Variants in AGBL4 observed in about 807,000 individuals in gnomAD.
AGBL4 encodes the protein cytosolic carboxypeptidase 6.
A neutral mutation model predicts 66.4 loss-of-function variants in AGBL4; 58 were observed. The ratio of observed to expected loss-of-function variants is 0.87; its 90% CI spans 0.71 to 1.09. AGBL4 has a LOEUF of 1.09. Among genes scored for constraint, AGBL4 ranks in the 50% least tolerant of loss-of-function variants. The pLI is 0.00. For missense variants in AGBL4, 579 were observed against 631.0 expected (o/e 0.92, Z 0.88); for synonymous variants, 234 against 222.9 (o/e 1.05, Z -0.44).
intron 6 of AGBL4, among the ~76,000 whole-genome samples, chr1:48,671,510 G>A (rs186936499): frequency 6.6e-6 from 1 of 152,338 alleles, no homozygotes; most frequent in East Asian, 1.9e-4. Context: ...CCACAGGTAC[G>A]TATGTGACTT....
chr1:48,611,246 G>A (rs759586951), intron 9 of AGBL4, among the ~76,000 whole-genome samples: 12 of 152,240 alleles, frequency 7.9e-5, no homozygotes, highest in Admixed American at 3.9e-4. Flanking sequence ...TCAATGAAGG[G>A]TGGGAGAGAA....
At chr1:49,409,974 C>A (rs915974638) in intron 3 of AGBL4, among the ~76,000 whole-genome samples, 2 of 152,178 alleles carry the variant, frequency 1.3e-5, no homozygotes, top group Admixed American at 6.5e-5. Flanking sequence ...AAGGCACTTT[C>A]TTCTTGAAAC....
intron 3 of AGBL4, among the ~76,000 whole-genome samples, chr1:49,469,297 A>T (rs955406389): frequency 4.0e-5 from 6 of 151,852 alleles, no homozygotes; most frequent in Admixed American, 6.6e-5. Context: ...TAAATTTTTT[A>T]AAATTATTTT....
chr1:49,228,790 A>T (rs1480156149), intron 4 of AGBL4, among the ~76,000 whole-genome samples: 1 of 152,190 alleles, frequency 6.6e-6, no homozygotes, highest in Non-Finnish European at 1.5e-5. Flanking sequence ...GTGAAGAAAG[A>T]TGGTGGTGGC....
intron 3 of AGBL4, chr1:49,527,721 T>C (rs532282514): frequency 1.2e-4 from 19 of 152,268 alleles, no homozygotes; most frequent in African/African-American, 4.3e-4. Context: ...CGGTGCCCCA[T>C]CCACTAGCTC....
At chr1:48,626,233 C>T (rs1484308347) in intron 9 of AGBL4, among the ~76,000 whole-genome samples, 2 of 152,188 alleles carry the variant, frequency 1.3e-5, no homozygotes, top group Non-Finnish European at 2.9e-5. Context: ...GCTGTCTGAA[C>T]ATTTCAACAG....
At chr1:48,959,791 C>A (rs1657802915) in intron 5 of AGBL4, among the ~76,000 whole-genome samples, 1 of 152,052 alleles carries the variant, frequency 6.6e-6, no homozygotes. Flanking sequence ...AGCAAAGAGG[C>A]CAGTGTGGCT....
intron 2 of AGBL4, among the ~76,000 whole-genome samples, chr1:49,785,896 ATAT>A (rs751614852): frequency 0.022 from 2,660 of 120,162 alleles, 74 homozygotes; most frequent in African/African-American, 0.085. Flanking sequence ...AAAAAAAAAT[ATAT>A]ATATATATAT....
At chr1:49,609,656 A>C in intron 3 of AGBL4, among the ~76,000 whole-genome samples, 1 of 152,076 alleles carries the variant, frequency 6.6e-6, no homozygotes, top group Non-Finnish European at 1.5e-5. Flanking sequence ...TCTACAGATA[A>C]ATTTCATGTC....
In AGBL4 at chr1:49,783,339, T is replaced by A. The variant is rs191880831; in HGVS notation, c.157+68057A>T. ...AAAAAGGATTGATATCATTACCAAA[T>A]TGAATTTATTCCAGGCATGCAAGGT... On this transcript the variant is annotated intron_variant, in intron 2 of 13. Coordinates refer to ENST00000371839, the MANE Select transcript of AGBL4 (RefSeq NM_032785.4). Among the ~76,000 whole-genome samples the A allele has an allele frequency of 3.3e-5, 5 of 152,152 alleles. No homozygotes were observed. The South Asian group carries it at 6.2e-4, about 19-fold the overall frequency.
intron 3 of AGBL4, among the ~76,000 whole-genome samples, chr1:49,562,741 G>A (rs1302975556): frequency 1.7e-4 from 26 of 152,094 alleles, no homozygotes; most frequent in East Asian, 5.8e-4. Context: ...GTCAGGTAGC[G>A]TGATGCCTCC....
intron 6 of AGBL4, among the ~76,000 whole-genome samples, chr1:48,705,249 A>G (rs1172113723): frequency 6.6e-6 from 1 of 152,216 alleles, no homozygotes; most frequent in Non-Finnish European, 1.5e-5. Flanking sequence ...AGAAAACATT[A>G]AGAGCAAAAA....
intron 2 of AGBL4, among the ~76,000 whole-genome samples, chr1:49,741,322 A>C (rs1352315717): frequency 6.6e-6 from 1 of 152,216 alleles, no homozygotes; most frequent in African/African-American, 2.4e-5. Flanking sequence ...AAATTCCTCA[A>C]CACATACACC....
chr1:48,635,731 G>T (rs1012915155), intron 8 of AGBL4, among the ~76,000 whole-genome samples: 1 of 152,160 alleles, frequency 6.6e-6, no homozygotes, highest in African/African-American at 2.4e-5. Context: ...CATCCTCAGT[G>T]GAGAGGACCA....
At chr1:49,266,665 G>A (rs11205617) in intron 3 of AGBL4, among the ~76,000 whole-genome samples, 50,176 of 151,630 alleles carry the variant, frequency 0.33, 8,847 homozygotes, top group East Asian at 0.72. Context: ...CTAAGGGAAG[G>A]AGAGGTGAAT....
intron 2 of AGBL4, among the ~76,000 whole-genome samples, chr1:49,786,163 G>A (rs984974410): frequency 2.0e-5 from 3 of 149,810 alleles, no homozygotes; most frequent in Non-Finnish European, 3.0e-5. Context: ...ATGATGCAGA[G>A]AGAATCCTCG....
At chr1:49,373,110 G>T (rs1322069608) in intron 3 of AGBL4, among the ~76,000 whole-genome samples, 1 of 152,056 alleles carries the variant, frequency 6.6e-6, no homozygotes, top group Non-Finnish European at 1.5e-5. Flanking sequence ...CATACACTAA[G>T]AATTAACTAC....
intron 3 of AGBL4, among the ~76,000 whole-genome samples, chr1:49,558,919 T>C (rs1359457155): frequency 6.6e-6 from 1 of 152,024 alleles, no homozygotes; most frequent in East Asian, 1.9e-4. Flanking sequence ...TCAGCTACAG[T>C]ATAATAGAAA....
intron 1 of AGBL4, among the ~76,000 whole-genome samples, chr1:49,921,528 A>T (rs1318934774): frequency 6.6e-6 from 1 of 152,146 alleles, no homozygotes; most frequent in African/African-American, 2.4e-5. Context: ...AAAGTCCCAC[A>T]ATAGGCCATC....
Sources: allele counts gnomAD v4.1 joint callset (sites outside exome capture counted in the v4.1 genomes callset), GRCh38; gene constraint gnomAD v4.1.1; transcripts MANE v1.5; gene names NCBI Gene and HGNC (gene_info 2026-07-23, HGNC 2026-07-21).